The following GPRIN3 variants were observed in gnomAD, a reference collection of about 807,000 sequenced individuals.
GPRIN3 encodes the protein GPRIN family member 3, also known as G protein-regulated inducer of neurite outgrowth 3.
Under a neutral mutation model 13.7 loss-of-function variants are expected in GPRIN3, and 12 were observed. The ratio of observed to expected loss-of-function variants is 0.87; its 90% confidence interval spans 0.56 to 1.42. The LOEUF is 1.42. Ranked by LOEUF, GPRIN3 falls within the 40% of genes most tolerant of loss-of-function variation. The pLI is 0.00. For missense variants in GPRIN3, 1,009 were observed against 958.7 expected (o/e 1.05, Z -0.69); for synonymous variants, 377 against 372.7 (o/e 1.01, Z -0.13).
At position 89,248,839 on chromosome 4, in the gene GPRIN3, A is replaced by T. The variant is rs1180831566; in HGVS notation, c.1272T>A (p.Asn424Lys). The T allele has an allele frequency of 1.2e-6, 2 of 1,614,104 alleles. No homozygotes were observed. The highest frequency in any genetic ancestry group is 4.5e-5 in the East Asian group (2 of 44,872). Residue 424 changes from asparagine to lysine, a missense_variant, in exon 2 of 2, where the codon AAT becomes AAA. Transcript: ENST00000609438. ...TATGCTGGGCATTACTGGAGACCAAATTGATTGATGAGGTTTTAAGGACCC... is the reference window on the plus strand; with the variant it reads ...TATGCTGGGCATTACTGGAGACCAATTTGATTGATGAGGTTTTAAGGACCC... ...PGGVLKTSSI[N>K]LVSSNAQHTC...
chr4:89,243,588 T>G lies in GPRIN3; in HGVS notation c.*4192A>C, dbSNP rs1723003972. 1 of 152,218 alleles carries G rather than the reference T, an allele frequency of 6.6e-6. No homozygotes were observed. Among genetic ancestry groups the G allele is most frequent in the African/African-American group, 2.4e-5 (1 of 41,454 alleles). The allele number at this position is 152,218 out of a possible 1,614,324, so 9.4% of individuals were successfully genotyped here. A position where few individuals can be genotyped will look rare whatever the true frequency, so the allele number is the denominator to read the frequency against. On this transcript the variant is annotated 3_prime_UTR_variant, in exon 2 of 2. Coordinates refer to ENST00000609438, the MANE Select transcript of GPRIN3 (RefSeq NM_198281.3). The stretch of plus-strand genomic sequence containing the variant: ...CAAAAACAGAGTGGGAATAAGGTAG[T>G]CGGCTCACTTATGCAAGATACTGCT...
At chr4:89,280,184 T>C (rs909859595) in intron 1 of GPRIN3, among the ~76,000 whole-genome samples, 1 of 152,156 alleles carries the variant, frequency 6.6e-6, no homozygotes, top group Non-Finnish European at 1.5e-5. Flanking sequence ...ATCTCCTATG[T>C]CTACCCACCT....
At chr4:89,291,324 C>T (rs1724566040) in intron 1 of GPRIN3, among the ~76,000 whole-genome samples, 1 of 152,064 alleles carries the variant, frequency 6.6e-6, no homozygotes, top group Non-Finnish European at 1.5e-5. Context: ...AAGAAATTTC[C>T]CTTCATGACA....
At chr4:89,253,021 A>T (rs1723372388) in intron 1 of GPRIN3, among the ~76,000 whole-genome samples, 1 of 151,604 alleles carries the variant, frequency 6.6e-6, no homozygotes, top group Non-Finnish European at 1.5e-5. Flanking sequence ...AAAAAGAAAA[A>T]AAAAAAAAAA....
Position 89,294,829 on chromosome 4 carries a change from C to T in GPRIN3, c.-124+12786G>A, listed in dbSNP as rs760934863. ...AACAGCTCCATTGACATCACATAAA[C>T]GTTTGTGACAATTTATACTCACCAC... On this transcript the variant is annotated intron_variant, in intron 1 of 1. Coordinates refer to ENST00000609438, the MANE Select transcript of GPRIN3 (RefSeq NM_198281.3). Among the ~76,000 whole-genome samples the T allele has an allele frequency of 2.6e-5, 4 of 152,304 alleles. No homozygotes were observed. In the East Asian group the frequency reaches 5.8e-4, roughly 22 times the overall value.
chr4:89,253,890 G>A (rs1004707444), intron 1 of GPRIN3, among the ~76,000 whole-genome samples: 3 of 152,110 alleles, frequency 2.0e-5, no homozygotes, highest in African/African-American at 4.8e-5. Context: ...CCGAAGTTCT[G>A]AACCAACACT....
rs1356767827 is a variant in GPRIN3 at position 89,295,477 on chromosome 4, C to T, written c.-124+12138G>A. Among the ~76,000 whole-genome samples the T allele has an allele frequency of 2.0e-5, 3 of 152,156 alleles. No homozygotes were observed. The East Asian group carries it at 5.8e-4, about 29-fold the overall frequency. On this transcript the variant is annotated intron_variant, in intron 1 of 1. Coordinates refer to ENST00000609438, the MANE Select transcript of GPRIN3 (RefSeq NM_198281.3). ...ATGCCCACATTACCTAGTCCATAAG[C>T]TCTCCATAGGGCGTAGGGCTAAATG...
intron 1 of GPRIN3, among the ~76,000 whole-genome samples, chr4:89,303,683 T>C (rs562207116): frequency 1.1e-4 from 16 of 151,712 alleles, no homozygotes; most frequent in African/African-American, 3.9e-4. Flanking sequence ...ATATAAAAGA[T>C]GTATACGTTA....
Position 89,269,920 on chromosome 4 carries a change from C to A in GPRIN3, c.-123-19687G>T, listed in dbSNP as rs73846110. ...CTTGAGGAACTAAGAGAATAAATGT[C>A]CTTTTAACTTAAAATAATGTTTTCA... On this transcript the variant is annotated intron_variant, in intron 1 of 1. Transcript: ENST00000609438. 1.4e-3 allele frequency among the ~76,000 whole-genome samples: 220 copies of A among 152,204 alleles called. 1 individual carries two copies. Among genetic ancestry groups the A allele is most frequent in the African/African-American group, 5.0e-3 (209 of 41,548 alleles).
At chr4:89,254,972 C>T (rs960447649) in intron 1 of GPRIN3, among the ~76,000 whole-genome samples, 1 of 152,238 alleles carries the variant, frequency 6.6e-6, no homozygotes, top group Non-Finnish European at 1.5e-5. Flanking sequence ...CTGAGAAGAA[C>T]TGTCCCCCTT....
intron 1 of GPRIN3, among the ~76,000 whole-genome samples, chr4:89,298,580 G>C (rs951062457): frequency 6.6e-6 from 1 of 151,980 alleles, no homozygotes; most frequent in South Asian, 2.1e-4. Context: ...TATTCCCGTT[G>C]TCTGGGAATT....
chr4:89,299,050 G>T (rs1724819526), intron 1 of GPRIN3, among the ~76,000 whole-genome samples: 1 of 152,030 alleles, frequency 6.6e-6, no homozygotes, highest in Admixed American at 6.6e-5. Context: ...ACATTTCAGT[G>T]AACTAAATTT....
intron 1 of GPRIN3, among the ~76,000 whole-genome samples, chr4:89,277,178 C>T (rs987001348): frequency 1.3e-5 from 2 of 152,086 alleles, no homozygotes; most frequent in East Asian, 1.9e-4. Context: ...GGGGTCATGG[C>T]TGGCTTCTCA....
intron 1 of GPRIN3, among the ~76,000 whole-genome samples, chr4:89,285,919 C>T (rs1201841635): frequency 1.3e-5 from 2 of 152,018 alleles, no homozygotes; most frequent in African/African-American, 2.4e-5. Context: ...AAAGAGAAGC[C>T]GTATACTAGT....
At chr4:89,268,893 T>A (rs1723852842) in intron 1 of GPRIN3, among the ~76,000 whole-genome samples, 1 of 152,162 alleles carries the variant, frequency 6.6e-6, no homozygotes, top group South Asian at 2.1e-4. Context: ...AATATTTATA[T>A]CTCTCTTGAG....
intron 1 of GPRIN3, among the ~76,000 whole-genome samples, chr4:89,293,779 T>C (rs1724657071): frequency 6.6e-6 from 1 of 152,228 alleles, no homozygotes; most frequent in South Asian, 2.1e-4. Context: ...TGAAAGCGAC[T>C]GCAAAGCTCC....
intron 1 of GPRIN3, among the ~76,000 whole-genome samples, chr4:89,286,103 AT>A (rs1421007263): frequency 3.3e-5 from 5 of 151,208 alleles, no homozygotes; most frequent in African/African-American, 1.2e-4. Context: ...ATATATATAT[AT>A]ATATATATAT....
intron 1 of GPRIN3, among the ~76,000 whole-genome samples, chr4:89,272,144 T>C (rs1723970586): frequency 6.6e-6 from 1 of 152,186 alleles, no homozygotes; most frequent in Non-Finnish European, 1.5e-5. Context: ...GTCTGTGGTA[T>C]TCTGTTACAG....
chr4:89,268,464 TAGA>T (rs1723841381), intron 1 of GPRIN3, among the ~76,000 whole-genome samples: 1 of 152,150 alleles, frequency 6.6e-6, no homozygotes, highest in Admixed American at 6.5e-5. Flanking sequence ...AAGGCTAGAC[TAGA>T]AGATGTTTGT....
Sources: allele counts gnomAD v4.1 joint callset (sites outside exome capture counted in the v4.1 genomes callset), GRCh38; gene constraint gnomAD v4.1.1; transcripts MANE v1.5; gene names NCBI Gene and HGNC (gene_info 2026-07-23, HGNC 2026-07-21).